The following MAGI2 variants were observed in gnomAD, a reference collection of about 807,000 sequenced individuals.
The protein encoded by MAGI2 is membrane associated guanylate kinase, WW and PDZ domain containing 2.
Under a neutral mutation model 133.3 loss-of-function variants are expected in MAGI2, and 35 were observed. The ratio of observed to expected loss-of-function variants is 0.26; its 90% CI spans 0.20 to 0.35. The LOEUF (loss-of-function observed/expected upper bound fraction) is 0.35, where lower values mean the gene tolerates loss of function less well. Among genes scored for constraint, MAGI2 ranks in the 10% least tolerant of loss-of-function variants. The pLI is 1.00. For synonymous variants in MAGI2, 729 were observed against 710.6 expected (o/e 1.03, Z -0.41); for missense variants, 1,636 against 1,863.4 (o/e 0.88, Z 2.25).
intron 9 of MAGI2, among the ~76,000 whole-genome samples, chr7:78,266,574 G>GA (rs541104484): frequency 2.5e-4 from 37 of 145,588 alleles, no homozygotes; most frequent in East Asian, 1.5e-3. Context: ...AGAAGAGGGG[G>GA]AAAAAATCCC....
chr7:79,105,235 T>C (rs1818347025), intron 1 of MAGI2, among the ~76,000 whole-genome samples: 1 of 152,214 alleles, frequency 6.6e-6, no homozygotes. Context: ...AAGCACTATA[T>C]AATCCCCAGC....
chr7:79,284,203 G>A (rs1222696955), intron 1 of MAGI2, among the ~76,000 whole-genome samples: 1 of 151,992 alleles, frequency 6.6e-6, no homozygotes, highest in Non-Finnish European at 1.5e-5. Context: ...TTTATGATAG[G>A]GTCAGCCATA....
Position 79,123,913 on chromosome 7 carries a change from C to T in MAGI2, c.302-116707G>A, listed in dbSNP as rs186130400. On this transcript the variant is annotated intron_variant, in intron 1 of 21. Transcript: ENST00000354212. ...TTTTAGTTGTCTTATTTGTTGTCCACTCACAACTCACTCCACTTTTTTTTT... is the reference window on the plus strand; with the variant it reads ...TTTTAGTTGTCTTATTTGTTGTCCATTCACAACTCACTCCACTTTTTTTTT... Among the ~76,000 whole-genome samples the T allele has an allele frequency of 2.6e-5, 4 of 151,764 alleles. No homozygotes were observed. The East Asian group carries it at 7.7e-4, about 29-fold the overall frequency.
At chr7:79,068,238 C>T (rs1814576921) in intron 1 of MAGI2, among the ~76,000 whole-genome samples, 1 of 152,084 alleles carries the variant, frequency 6.6e-6, no homozygotes, top group African/African-American at 2.4e-5. Context: ...TGGTCCTGGA[C>T]TTCTTTTTGT....
intron 21 of MAGI2, among the ~76,000 whole-genome samples, chr7:78,059,773 A>ATTTTT (rs749682096): frequency 1.3e-5 from 1 of 77,142 alleles, no homozygotes; most frequent in Non-Finnish European, 2.6e-5. Flanking sequence ...ATATATATAT[A>ATTTTT]TATATTTTTT....
intron 1 of MAGI2, among the ~76,000 whole-genome samples, chr7:79,061,532 G>C (rs980691752): frequency 6.6e-6 from 1 of 151,926 alleles, no homozygotes; most frequent in Non-Finnish European, 1.5e-5. Flanking sequence ...GACCCGCTCA[G>C]GCTAGCTCTG....
intron 2 of MAGI2, among the ~76,000 whole-genome samples, chr7:78,838,908 A>G (rs933467773): frequency 4.6e-5 from 7 of 152,150 alleles, no homozygotes; most frequent in African/African-American, 1.4e-4. Context: ...ATAACACTTA[A>G]TGTAAACACC....
At position 79,453,082 on chromosome 7, in the gene MAGI2, C is replaced by T; in HGVS notation, c.239G>A (p.Arg80Lys). Residue 80 changes from arginine (R) to lysine (K), a missense_variant, in exon 1 of 22, where the codon AGG becomes AAG. Coordinates refer to ENST00000354212, the MANE Select transcript of MAGI2 (RefSeq NM_012301.4). ...NETPVAGLTI[R>K]DVLAVIKHCK... ...GTGTTTGATCACGGCCAGCACGTCC[C>T]TGATGGTGAGCCCCGCCACGGGGGT... is the stretch of plus-strand genomic sequence containing the variant. 6.2e-7 allele frequency: 1 copy of T among 1,613,562 alleles called. No homozygotes were observed. Among genetic ancestry groups the T allele is most frequent in the Non-Finnish European group, 8.5e-7 (1 of 1,179,892 alleles).
intron 1 of MAGI2, among the ~76,000 whole-genome samples, chr7:79,307,680 C>A (rs1295517381): frequency 6.6e-6 from 1 of 152,118 alleles, no homozygotes; most frequent in African/African-American, 2.4e-5. Flanking sequence ...ATGCTGGAAT[C>A]CTAGATTCTT....
intron 21 of MAGI2, among the ~76,000 whole-genome samples, chr7:78,071,462 G>A (rs1472481025): frequency 1.3e-5 from 2 of 152,178 alleles, no homozygotes; most frequent in Admixed American, 1.3e-4. Flanking sequence ...GCTTGAACCT[G>A]GGAGGTGGAG....
intron 1 of MAGI2, among the ~76,000 whole-genome samples, chr7:79,420,529 G>T (rs2098246822): frequency 6.6e-6 from 1 of 151,732 alleles, no homozygotes; most frequent in African/African-American, 2.4e-5. Flanking sequence ...CAATGTGAAA[G>T]TTAAAAAAAC....
At chr7:78,210,503 T>C (rs1360647012) in intron 10 of MAGI2, among the ~76,000 whole-genome samples, 3 of 152,150 alleles carry the variant, frequency 2.0e-5, no homozygotes, top group African/African-American at 7.2e-5. Flanking sequence ...TCTCATGAGT[T>C]AGATTATGGG....
intron 13 of MAGI2, among the ~76,000 whole-genome samples, chr7:78,181,806 T>C (rs1160539657): frequency 2.6e-5 from 4 of 152,176 alleles, no homozygotes; most frequent in African/African-American, 9.7e-5. Flanking sequence ...TCTCTCATAA[T>C]AAAGAAAAGC....
chr7:78,539,843 T>A (rs1177535555), intron 3 of MAGI2, among the ~76,000 whole-genome samples: 1 of 152,224 alleles, frequency 6.6e-6, no homozygotes, highest in Non-Finnish European at 1.5e-5. Flanking sequence ...TTTTATTTAC[T>A]GTGCTGGTTT....
intron 2 of MAGI2, among the ~76,000 whole-genome samples, chr7:78,701,787 A>T (rs1189833628): frequency 2.0e-5 from 3 of 152,010 alleles, no homozygotes; most frequent in African/African-American, 7.2e-5. Context: ...AAACACTTCC[A>T]GTTAAAAGGC....
intron 6 of MAGI2, among the ~76,000 whole-genome samples, chr7:78,398,049 G>T (rs1257978741): frequency 6.6e-6 from 1 of 152,150 alleles, no homozygotes; most frequent in African/African-American, 2.4e-5. Flanking sequence ...AATCCTTCAG[G>T]AAGCTGAATT....
intron 1 of MAGI2, among the ~76,000 whole-genome samples, chr7:79,048,977 A>G (rs775222353): frequency 7.9e-5 from 12 of 152,312 alleles, no homozygotes; most frequent in East Asian, 5.8e-4. Flanking sequence ...TGCCAAACAA[A>G]AACAGTTTAA....
chr7:78,476,151 C>A (rs1791727629), intron 6 of MAGI2, among the ~76,000 whole-genome samples: 2 of 151,812 alleles, frequency 1.3e-5, no homozygotes, highest in Admixed American at 6.6e-5. Context: ...ACAACCAGAT[C>A]AACTTATTTT....
At chr7:78,939,518 G>T (rs1313471922) in intron 2 of MAGI2, among the ~76,000 whole-genome samples, 1 of 152,112 alleles carries the variant, frequency 6.6e-6, no homozygotes, top group Non-Finnish European at 1.5e-5. Flanking sequence ...AGTTGTAAAG[G>T]CTCATTGCTC....
Sources: gnomAD v4.1 joint callset for allele counts (sites outside exome capture counted in the v4.1 genomes callset) on GRCh38, gnomAD v4.1.1 for gene constraint, MANE v1.5 for transcripts, NCBI Gene and HGNC (gene_info 2026-07-23, HGNC 2026-07-21) for gene names.